Variants in BTBD19 observed in about 807,000 individuals in gnomAD.
BTBD19 encodes BTB/POZ domain-containing protein 19.
Under a neutral mutation model 36.1 loss-of-function variants are expected in BTBD19, and 20 were observed. The ratio of observed to expected loss-of-function variants is 0.55; its 90% CI spans 0.39 to 0.80. The LOEUF is 0.80. BTBD19 is among the 30% of genes least tolerant of loss of function. The pLI is 0.00. For missense variants in BTBD19, 325 were observed against 389.8 expected (o/e 0.83, Z 1.40); for synonymous variants, 157 against 174.3 (o/e 0.90, Z 0.78).
At chr1:44,814,375 G>C (rs984746976), downstream of BTBD19, 2 of 151,288 alleles carry the variant, frequency 1.3e-5, no homozygotes, top group East Asian at 3.9e-4. Context: ...TCGGCTCACT[G>C]CAAGCTCCGC....
In BTBD19 at chr1:44,813,289, C is replaced by T. The variant is rs1652520386; in HGVS notation, c.615+20C>T. On this transcript the variant is annotated intron_variant, in intron 6 of 7. Transcript: ENST00000450269. The surrounding 1 kb of genome is among the most constrained non-coding windows in gnomAD (Gnocchi z 7.8). ...GGCGCGGTGAGTGGGGCTGGGGGAG[C>T]GCAAGGGCACGGAAGGAGGTGCTGG... 2.0e-6 allele frequency: 3 copies of T among 1,536,526 alleles called. No homozygotes were observed. Among genetic ancestry groups the T allele is most frequent in the Admixed American group, 2.0e-5 (1 of 50,766 alleles).
At chr1:44,814,164 T>TCTTTCTTTCTG (rs1557635384), downstream of BTBD19, 184 of 120,908 alleles carry the variant, frequency 1.5e-3, 1 homozygote, top group Non-Finnish European at 2.5e-3. Flanking sequence ...CTTTCTTTCT[T>TCTTTCTTTCTG]TCTTTCTTTC....
intron 4 of BTBD19, chr1:44,812,458 C>A (rs1227866223): frequency 2.2e-6 from 1 of 454,648 alleles, no homozygotes; most frequent in Non-Finnish European, 4.4e-6. Context: ...GTAATTTCAG[C>A]ACTTTTGGAG....
rs1476864858 is a variant in BTBD19, at chr1:44,813,810, C to A, written c.*38C>A. 1.3e-6 allele frequency: 2 copies of A among 1,550,512 alleles called. No homozygotes were observed. Among genetic ancestry groups the A allele is most frequent in the African/African-American group, 2.7e-5 (2 of 73,026 alleles). On this transcript the variant is annotated 3_prime_UTR_variant, in exon 8 of 8. Transcript: ENST00000450269. This position sits in a 1 kb window ranked among gnomAD's most constrained non-coding sequence, Gnocchi z 7.8. ...ACTCGCAGGGAGCCCTCGACCCGCC[C>A]AGCTGAGCCTGCCCCAAACTACAGC...
chr1:44,813,499 G>A lies in BTBD19; in HGVS notation c.741G>A (p.Pro247=). Residue 247 remains proline (P), a splice_region_variant and synonymous_variant, in exon 7 of 8, where the codon CCG becomes CCA. Transcript: ENST00000450269. The surrounding 1 kb of genome is among the most constrained non-coding windows in gnomAD (Gnocchi z 7.8). The stretch of plus-strand genomic sequence containing the variant: ...AGAACCGGCAGGAACCACTCATCCC[G>A]GTGGGGACGCGGGGAACCGGCCCAG... 1 of 1,550,672 alleles carries A rather than the reference G, an allele frequency of 6.4e-7. No individual in the cohort carries two copies. The highest frequency in any genetic ancestry group is 1.2e-5 in the South Asian group (1 of 83,992).
chr1:44,809,247 C>T (rs1021634634), intron 1 of BTBD19, among the ~76,000 whole-genome samples: 8 of 152,176 alleles, frequency 5.3e-5, no homozygotes, highest in African/African-American at 1.7e-4. Context: ...TCCACTCACT[C>T]AGCTTGGTAT....
intron 1 of BTBD19, among the ~76,000 whole-genome samples, chr1:44,809,555 G>C (rs1161249435): frequency 6.6e-6 from 1 of 152,192 alleles, no homozygotes; most frequent in Non-Finnish European, 1.5e-5. Flanking sequence ...TCACAGTCTG[G>C]TCTGGGTAAT....
chr1:44,812,039 C>T (rs1330426021), exon 4 of BTBD19: 1 of 1,305,108 alleles, frequency 7.7e-7, no homozygotes, highest in African/African-American at 1.5e-5. Flanking sequence ...CTGTTCCCAG[C>T]TGTGCCTGCA....
chr1:44,814,162 C>CTGTCTTTCTTTCTTTCT (rs1557635355), downstream of BTBD19: 1 of 130,974 alleles, frequency 7.6e-6, no homozygotes, highest in East Asian at 2.4e-4. Flanking sequence ...TTCTTTCTTT[C>CTGTCTTTCTTTCTTTCT]TTTCTTTCTT....
At chr1:44,812,786 CGTGTGT>C (rs6143210) in intron 4 of BTBD19, among the ~76,000 whole-genome samples, 9,913 of 134,742 alleles carry the variant, frequency 0.074, 392 homozygotes, top group Middle Eastern at 0.11. Flanking sequence ...AGTGAGTCCA[CGTGTGT>C]GTGTGTGTGT....
In BTBD19 at chr1:44,813,479, C is replaced by A; in HGVS notation, c.721C>A (p.Arg241=). The A allele has an allele frequency of 6.5e-7, 1 of 1,548,626 alleles. No homozygotes were observed. ...GCTGAGCGCCCTGGAAGAGCAGAAC[C>A]GGCAGGAACCACTCATCCCGGTGGG... is the stretch of plus-strand genomic sequence containing the variant. The change falls in exon 7 of 8, where the codon CGG becomes AGG. Residue 241 remains arginine (R), a synonymous_variant. Coordinates refer to ENST00000450269, the Ensembl canonical transcript of BTBD19. The surrounding 1 kb of genome is among the most constrained non-coding windows in gnomAD (Gnocchi z 7.8).
chr1:44,811,220 CAAAAAAA>C (rs35007342), intron 3 of BTBD19, among the ~76,000 whole-genome samples: 4 of 71,202 alleles, frequency 5.6e-5, no homozygotes, highest in African/African-American at 1.8e-4. Context: ...GACTTGCCCT[CAAAAAAA>C]AAAAAAAAAA....
At chr1:44,814,025 TTCC>T in exon 8 of BTBD19, 1 of 598,802 alleles carries the variant, frequency 1.7e-6, no homozygotes. Context: ...AAACGAGGAT[TTCC>T]TTCGTTCCAC....
At chr1:44,809,555 G>A (rs1161249435) in intron 1 of BTBD19, among the ~76,000 whole-genome samples, 1 of 152,192 alleles carries the variant, frequency 6.6e-6, no homozygotes, top group African/African-American at 2.4e-5. Context: ...TCACAGTCTG[G>A]TCTGGGTAAT....
chr1:44,813,185 G>T lies in BTBD19; in HGVS notation c.531G>T (p.Leu177=). 6.5e-7 allele frequency: 1 copy of T among 1,546,416 alleles called. No homozygotes were observed. Among genetic ancestry groups the T allele is most frequent in the Admixed American group, 2.0e-5 (1 of 50,908 alleles). The change falls in exon 6 of 8, where the codon CTG becomes CTT. Residue 177 remains leucine (L), a synonymous_variant. Coordinates refer to ENST00000450269, the Ensembl canonical transcript of BTBD19. The surrounding 1 kb of genome is among the most constrained non-coding windows in gnomAD (Gnocchi z 7.8). ...TCCTGGAGCTGTCGGCGGCCGCGCT[G>T]CTGCCCCTGCTCCGCAGCGACAAGC... is the stretch of plus-strand genomic sequence containing the variant.
At chr1:44,808,771 C>T (rs1265628667) in exon 1 of BTBD19, 3 of 1,383,074 alleles carry the variant, frequency 2.2e-6, no homozygotes, top group East Asian at 5.1e-5. Context: ...AGCTCTAGGG[C>T]CTGGCCAGGC....
rs1652349083 is a variant in BTBD19 at position 44,810,415 on chromosome 1, T to A, written c.289T>A (p.Tyr97Asn). ...CCTATATACCAACAGTGTCAAGCTG[T>A]ACCGCCACTCTGTGAGCCTGCTGAC... The change falls in exon 2 of 8, where the codon TAC (tyrosine) becomes AAC (asparagine). Residue 97 changes from tyrosine (Y) to asparagine (N), a missense_variant. Tyr to Asn is a moderately radical substitution (Grantham distance 143). Coordinates refer to ENST00000450269, the Ensembl canonical transcript of BTBD19. The surrounding 1 kb of genome is among the most constrained non-coding windows in gnomAD (Gnocchi z 4.2). 1 of 1,550,896 alleles carries A rather than the reference T, an allele frequency of 6.4e-7. No individual in the cohort carries two copies. Among genetic ancestry groups the A allele is most frequent in the Non-Finnish European group, 8.7e-7 (1 of 1,146,448 alleles).
intron 1 of BTBD19, among the ~76,000 whole-genome samples, chr1:44,809,724 T>C (rs1035712277): frequency 6.6e-6 from 1 of 152,216 alleles, no homozygotes; most frequent in African/African-American, 2.4e-5. Context: ...GCATCACTGC[T>C]GTGTCTGTTT....
At chr1:44,811,195 T>C (rs1652394900) in intron 3 of BTBD19, among the ~76,000 whole-genome samples, 2 of 135,318 alleles carry the variant, frequency 1.5e-5, no homozygotes, top group South Asian at 4.6e-4. Context: ...CATTCCAGCC[T>C]GGGTGACAGA....
Sources: allele counts gnomAD v4.1 joint callset (sites outside exome capture counted in the v4.1 genomes callset), GRCh38; gene constraint gnomAD v4.1.1; non-coding constraint Gnocchi (gnomAD v3.1); transcripts MANE v1.5; gene names NCBI Gene and HGNC (gene_info 2026-07-23, HGNC 2026-07-21).